Variants in ERICH1 observed in about 807,000 individuals in gnomAD.
ERICH1 encodes glutamate-rich protein 1.
In ERICH1, 56 loss-of-function variants were observed where a neutral mutation model predicts 39.6. The observed-to-expected ratio is 1.41, with a 90% CI of 1.14 to 1.77. The LOEUF (loss-of-function observed/expected upper bound fraction) is 1.77. Among genes scored for constraint, ERICH1 ranks in the 40% most tolerant of loss-of-function variants. The pLI is 0.00. For missense variants in ERICH1, 826 were observed against 575.4 expected (o/e 1.44, Z -4.45); for synonymous variants, 313 against 223.6 (o/e 1.40, Z -3.57).
At chr8:654,491 G>A (rs1449327988) in intron 3 of ERICH1, among the ~76,000 whole-genome samples, 1 of 152,126 alleles carries the variant, frequency 6.6e-6, no homozygotes, top group Non-Finnish European at 1.5e-5. Flanking sequence ...CATTTTGTGA[G>A]AATTCAAGGA....
At chr8:712,604 T>G (rs1380349944) in intron 2 of ERICH1, among the ~76,000 whole-genome samples, 1 of 152,162 alleles carries the variant, frequency 6.6e-6, no homozygotes, top group Non-Finnish European at 1.5e-5. Context: ...TAATTTTTTG[T>G]ATTTTTAGTA....
At chr8:719,719 T>A (rs7817083) in intron 1 of ERICH1, among the ~76,000 whole-genome samples, 48 of 152,364 alleles carry the variant, frequency 3.2e-4, no homozygotes, top group African/African-American at 1.1e-3. Flanking sequence ...TGGAATTTTG[T>A]ACTGAAGTGC....
chr8:638,569 C>T (rs1267359390), intron 3 of ERICH1, among the ~76,000 whole-genome samples: 1 of 152,238 alleles, frequency 6.6e-6, no homozygotes, highest in African/African-American at 2.4e-5. Flanking sequence ...TGATCGTGTA[C>T]GAGGGCAGGA....
intron 3 of ERICH1, chr8:627,340 T>G (rs1797648508): frequency 2.5e-6 from 1 of 401,638 alleles, no homozygotes; most frequent in Non-Finnish European, 5.2e-6. Flanking sequence ...GACAGCTCCT[T>G]GTCTCCCATT....
At chr8:702,811 G>A (rs1305155143) in intron 2 of ERICH1, among the ~76,000 whole-genome samples, 1 of 152,246 alleles carries the variant, frequency 6.6e-6, no homozygotes, top group African/African-American at 2.4e-5. Flanking sequence ...AGAGGGGCAG[G>A]GCGGAAGCCA....
At position 731,122 on chromosome 8, in the gene ERICH1, C is replaced by T. The variant is rs753075342; in HGVS notation, c.22+18G>A. On this transcript the variant is annotated intron_variant, in intron 1 of 5. Coordinates refer to ENST00000262109, the MANE Select transcript of ERICH1 (RefSeq NM_207332.3). ...CGGGTCTGGGGTCTGGGCAGGCCTC[C>T]GCACCGCACCCACCTACCGTGCTTC... The T allele has an allele frequency of 1.4e-5, 21 of 1,508,140 alleles. No homozygotes were observed. The highest frequency in any genetic ancestry group is 3.7e-5 in the South Asian group (3 of 80,000). The allele number at this position is 1,508,140 out of a possible 1,614,324, so 93.4% of individuals were successfully genotyped here.
At chr8:630,512 G>A (rs988703716) in intron 3 of ERICH1, among the ~76,000 whole-genome samples, 1 of 116,712 alleles carries the variant, frequency 8.6e-6, no homozygotes, top group Non-Finnish European at 1.7e-5. Context: ...CACACAGACA[G>A]AGCTGACTCA....
intron 3 of ERICH1, among the ~76,000 whole-genome samples, chr8:629,488 A>ACACACACC (rs1388255032): frequency 1.4e-5 from 2 of 147,850 alleles, no homozygotes; most frequent in Admixed American, 6.7e-5. Flanking sequence ...GACAGAGCTG[A>ACACACACC]CTCACACGCT....
Position 616,612 on chromosome 8 carries a change from A to G in ERICH1, c.977-1328T>C, listed in dbSNP as rs935250237. On this transcript the variant is annotated intron_variant, in intron 3 of 3. Transcript: ENST00000522706. Reference sequence around the variant, plus strand: ...GAGAGACAGAGAGAGAATAAGAGTGAGTGGGGAGAGGGAGGCAGAGACAGA... The same window carrying G: ...GAGAGACAGAGAGAGAATAAGAGTGGGTGGGGAGAGGGAGGCAGAGACAGA... The G allele has an allele frequency of 4.2e-5, 19 of 453,782 alleles. No homozygotes were observed. The Admixed American group carries it at 4.3e-4, about 10-fold the overall frequency. The allele number at this position is 453,782 out of a possible 1,614,324, so 28.1% of individuals were successfully genotyped here.
At chr8:660,110 C>G (rs1801194631), downstream of ERICH1, among the ~76,000 whole-genome samples, 1 of 150,082 alleles carries the variant, frequency 6.7e-6, no homozygotes, top group African/African-American at 2.5e-5. Flanking sequence ...GCAGGGCCTT[C>G]CCCGACTCTC....
At chr8:730,804 G>C (rs1279869045) in intron 1 of ERICH1, among the ~76,000 whole-genome samples, 2 of 152,230 alleles carry the variant, frequency 1.3e-5, no homozygotes, top group Non-Finnish European at 2.9e-5. Flanking sequence ...CCCCTCTGAA[G>C]AGCTGAGCGG....
At chr8:615,199 TG>T (rs1487485154) in exon 4 of ERICH1, 1 of 661,210 alleles carries the variant, frequency 1.5e-6, no homozygotes, top group South Asian at 1.7e-5. Context: ...GACCTGGAAT[TG>T]TCCAAGTCAG....
intron 4 of ERICH1, among the ~76,000 whole-genome samples, chr8:671,511 A>T (rs1242291832): frequency 7.3e-6 from 1 of 137,072 alleles, no homozygotes; most frequent in Non-Finnish European, 1.6e-5. Context: ...GTCTGTGCTC[A>T]CTGGGCTCCA....
intron 2 of ERICH1, among the ~76,000 whole-genome samples, chr8:693,205 G>C (rs1478892951): frequency 6.6e-6 from 1 of 151,570 alleles, no homozygotes; most frequent in Admixed American, 6.6e-5. Context: ...AACACACACA[G>C]ACACAGACAT....
At chr8:634,183 A>ACAAAC (rs113808309) in intron 3 of ERICH1, among the ~76,000 whole-genome samples, 44 of 135,842 alleles carry the variant, frequency 3.2e-4, no homozygotes, top group South Asian at 4.6e-4. Flanking sequence ...AAAAAAAAAA[A>ACAAAC]AAACAAACAA....
chr8:679,374 C>T (rs1180494060), intron 3 of ERICH1, among the ~76,000 whole-genome samples: 1 of 148,752 alleles, frequency 6.7e-6, no homozygotes, highest in African/African-American at 2.5e-5. Flanking sequence ...TGGCCCCTCA[C>T]AGCACCCACC....
chr8:729,138 G>A (rs1006621047), intron 1 of ERICH1, among the ~76,000 whole-genome samples: 12 of 152,152 alleles, frequency 7.9e-5, no homozygotes, highest in Non-Finnish European at 1.2e-4. Flanking sequence ...ATTCGCTGCC[G>A]CAGCCAGGGC....
chr8:634,106 T>C (rs796381716), intron 3 of ERICH1, among the ~76,000 whole-genome samples: 14 of 147,170 alleles, frequency 9.5e-5, no homozygotes, highest in African/African-American at 3.5e-4. Flanking sequence ...GGGGAAAATA[T>C]TTACAAATCA....
At chr8:696,927 TC>T (rs752505451) in intron 2 of ERICH1, among the ~76,000 whole-genome samples, 27 of 145,362 alleles carry the variant, frequency 1.9e-4, no homozygotes, top group Non-Finnish European at 3.8e-4. Context: ...CAGCCTGTAC[TC>T]GCTTCTCTCA....
Sources: allele counts gnomAD v4.1 joint callset (sites outside exome capture counted in the v4.1 genomes callset), GRCh38; gene constraint gnomAD v4.1.1; transcripts MANE v1.5; gene names NCBI Gene and HGNC (gene_info 2026-07-23, HGNC 2026-07-21).